MYCBP2: variants seen among roughly 807,000 people sequenced by gnomAD.
MYCBP2 encodes the protein E3 ubiquitin-protein ligase MYCBP2.
Under a neutral mutation model 525.3 loss-of-function variants are expected in MYCBP2, and 120 were observed. The ratio of observed to expected loss-of-function variants is 0.23; its 90% CI spans 0.20 to 0.27. The LOEUF (loss-of-function observed/expected upper bound fraction) is 0.27, where lower values mean the gene tolerates loss of function less well. MYCBP2 is among the 10% of genes least tolerant of loss of function. The probability of loss-of-function intolerance (pLI) is 1.00; values close to 1 mark genes in which losing one functional copy is unlikely to be tolerated. For missense variants in MYCBP2, 4,149 were observed against 5,657.1 expected (o/e 0.73, Z 8.55); for synonymous variants, 1,894 against 1,955.8 (o/e 0.97, Z 0.83).
At chr13:77,165,152 C>T in intron 42 of MYCBP2, 121 bp downstream of exon 42, 1 of 771,084 alleles carries the variant, frequency 1.3e-6, no homozygotes. Flanking sequence ...TGAGCCACTG[C>T]ACCAGGCCCC....
chr13:77,176,844 A>G (rs2059754360), intron 35 of MYCBP2, among the ~76,000 whole-genome samples: 2 of 152,180 alleles, frequency 1.3e-5, no homozygotes, highest in Non-Finnish European at 2.9e-5. Flanking sequence ...AGCTTTTCTC[A>G]TCTGATGACT....
intron 24 of MYCBP2, 108 bp from the exon 25 acceptor site, chr13:77,205,706 G>A (rs2154275815): frequency 1.1e-6 from 1 of 898,190 alleles, no homozygotes; most frequent in Non-Finnish European, 1.6e-6. Context: ...AACTCAGAAT[G>A]TTACTCCAAG....
chr13:77,088,124 A>G (rs1353707276), intron 61 of MYCBP2, among the ~76,000 whole-genome samples: 1 of 152,106 alleles, frequency 6.6e-6, no homozygotes, highest in Non-Finnish European at 1.5e-5. Flanking sequence ...AGCACACGGA[A>G]CTTGAAACAG....
At position 77,092,081 on chromosome 13, in the gene MYCBP2, G is replaced by GAAA. The variant is rs5804892; in HGVS notation, c.10367+1081_10367+1083dup. 2.8e-4 allele frequency among the ~76,000 whole-genome samples: 40 copies of GAAA among 144,544 alleles called. No individual in the cohort carries two copies. In the East Asian group the frequency reaches 2.8e-3, roughly 10 times the overall value. The allele number at this position is 144,544 out of a possible 152,430, so 94.8% of individuals were successfully genotyped here. ...GGGAGAAGTTGCATGTATTTTTAAT[G>GAAA]AAAAAAAAAAAAAACCTCATTTGGA... On this transcript the variant is annotated intron_variant, in intron 59 of 82. Transcript: ENST00000544440.
At chr13:77,244,044 T>C in intron 15 of MYCBP2, 93 bp from the exon 16 acceptor site, 5 of 1,357,686 alleles carry the variant, frequency 3.7e-6, no homozygotes, top group East Asian at 5.2e-5. Flanking sequence ...TTCCACATTT[T>C]TGAAATTGTT....
chr13:77,129,751 A>G (rs561403967), intron 52 of MYCBP2: 3 of 152,074 alleles, frequency 2.0e-5, no homozygotes, highest in African/African-American at 7.2e-5. Flanking sequence ...AAAAAGTCTG[A>G]GTCATTTTTT....
At chr13:77,165,680 T>C (rs1213768890) in intron 41 of MYCBP2, among the ~76,000 whole-genome samples, 1 of 152,220 alleles carries the variant, frequency 6.6e-6, no homozygotes, top group Non-Finnish European at 1.5e-5. Flanking sequence ...GCAATCATTT[T>C]TCAATTATTT....
chr13:77,194,811 A>G (rs1307581705), intron 26 of MYCBP2, among the ~76,000 whole-genome samples: 2 of 152,212 alleles, frequency 1.3e-5, no homozygotes, highest in African/African-American at 2.4e-5. Context: ...GAAGAGCAAC[A>G]TAAGAATCCT....
In MYCBP2 at chr13:77,267,860, A is replaced by G. The variant is rs768527820; in HGVS notation, c.1338T>C (p.Asp446=). ...IRISPETLEQ[D]GTVMLPDCHT... Reference sequence around the variant, plus strand: ...ACATACCTGGTAACATCACAGTACCATCTTGCTCCAGTGTTTCAGGGCTTA... The same window carrying G: ...ACATACCTGGTAACATCACAGTACCGTCTTGCTCCAGTGTTTCAGGGCTTA... Residue 446 remains aspartate (D), a synonymous_variant, in exon 8 of 83, where the codon GAT becomes GAC. Transcript: ENST00000544440. The G allele has an allele frequency of 6.2e-6, 10 of 1,613,548 alleles. No individual in the cohort carries two copies. Among genetic ancestry groups the G allele is most frequent in the Middle Eastern group, 3.3e-4 (2 of 6,060 alleles).
intron 17 of MYCBP2, among the ~76,000 whole-genome samples, chr13:77,236,388 G>T (rs930533196): frequency 6.6e-6 from 1 of 152,060 alleles, no homozygotes; most frequent in African/African-American, 2.4e-5. Flanking sequence ...AAGTGGCAGT[G>T]TTAAATAGTA....
At chr13:77,271,265 G>A (rs1384462384) in intron 5 of MYCBP2, among the ~76,000 whole-genome samples, 1 of 151,844 alleles carries the variant, frequency 6.6e-6, no homozygotes, top group Non-Finnish European at 1.5e-5. Flanking sequence ...TTATTAATTT[G>A]TTTCTGAGCT....
intron 3 of MYCBP2, among the ~76,000 whole-genome samples, chr13:77,281,666 T>A (rs944336304): frequency 1.3e-5 from 2 of 152,174 alleles, no homozygotes; most frequent in Non-Finnish European, 2.9e-5. Flanking sequence ...TCTAATATGC[T>A]AGGAAAGTGA....
At chr13:77,138,527 G>A (rs1032143520) in intron 52 of MYCBP2, among the ~76,000 whole-genome samples, 2 of 152,050 alleles carry the variant, frequency 1.3e-5, no homozygotes, top group Non-Finnish European at 2.9e-5. Context: ...CACATTTGAT[G>A]GTAATGAAAA....
At chr13:77,140,364 C>A (rs2054418923) in intron 50 of MYCBP2, among the ~76,000 whole-genome samples, 1 of 152,156 alleles carries the variant, frequency 6.6e-6, no homozygotes, top group South Asian at 2.1e-4. Flanking sequence ...ATGTGTATTA[C>A]TGAAAATAAA....
intron 26 of MYCBP2, among the ~76,000 whole-genome samples, chr13:77,203,564 C>G (rs1314478728): frequency 6.6e-6 from 1 of 152,038 alleles, no homozygotes; most frequent in Non-Finnish European, 1.5e-5. Context: ...TCATATGGAA[C>G]CAAAAAAGAG....
intron 62 of MYCBP2, 67 bp downstream of exon 62, chr13:77,087,417 G>A (rs1391774286): frequency 1.6e-6 from 2 of 1,281,496 alleles, no homozygotes; most frequent in African/African-American, 3.0e-5. Context: ...CAAATTATTG[G>A]ACTATTTGAA....
intron 1 of MYCBP2, among the ~76,000 whole-genome samples, chr13:77,322,771 C>T (rs1179879131): frequency 6.6e-6 from 1 of 152,332 alleles, no homozygotes; most frequent in East Asian, 1.9e-4. Flanking sequence ...GCTATGGTGC[C>T]TCCCAAGTGC....
chr13:77,259,058 C>A (rs2072760061), intron 13 of MYCBP2, among the ~76,000 whole-genome samples: 1 of 152,084 alleles, frequency 6.6e-6, no homozygotes, highest in Non-Finnish European at 1.5e-5. Flanking sequence ...AGTTCGAGAC[C>A]AGCCTGGCCA....
intron 55 of MYCBP2, among the ~76,000 whole-genome samples, chr13:77,108,250 C>G (rs1181718625): frequency 1.3e-5 from 2 of 152,062 alleles, no homozygotes; most frequent in African/African-American, 4.8e-5. Flanking sequence ...TTGAAGAAAA[C>G]ATACTCATAG....
Sources: gnomAD v4.1 joint callset for allele counts (sites outside exome capture counted in the v4.1 genomes callset) on GRCh38, gnomAD v4.1.1 for gene constraint, MANE v1.5 for transcripts, NCBI Gene and HGNC (gene_info 2026-07-23, HGNC 2026-07-21) for gene names.